The following ZNF480 variants were observed in gnomAD, a reference collection of about 807,000 sequenced individuals.
The protein encoded by ZNF480 is zinc finger protein 480.
A neutral mutation model predicts 14.4 loss-of-function variants in ZNF480; 15 were observed. The ratio of observed to expected loss-of-function variants is 1.04; its 90% CI spans 0.70 to 1.60. ZNF480 has a LOEUF of 1.60. Ranked by LOEUF, ZNF480 falls within the 40% of genes most tolerant of loss-of-function variation. The pLI is 0.00. For synonymous variants in ZNF480, 218 were observed against 215.5 expected (o/e 1.01, Z -0.10); for missense variants, 593 against 629.7 (o/e 0.94, Z 0.62).
At chr19:52,300,164 G>A (rs1982617191) in intron 1 of ZNF480, among the ~76,000 whole-genome samples, 1 of 152,234 alleles carries the variant, frequency 6.6e-6, no homozygotes. Context: ...GCTCCCCACT[G>A]CTGCAGCGTG....
chr19:52,307,000 A>T (rs902613661), intron 2 of ZNF480, among the ~76,000 whole-genome samples: 3 of 152,186 alleles, frequency 2.0e-5, no homozygotes. Flanking sequence ...GCTGGCAAGG[A>T]AACCTTCTCT....
chr19:52,312,149 AT>A (rs10712920), intron 2 of ZNF480, among the ~76,000 whole-genome samples: 76,382 of 140,416 alleles, frequency 0.54, 20,414 homozygotes, highest in Non-Finnish European at 0.61. Context: ...CTCATATATA[AT>A]TTTTTTTTTT....
intron 2 of ZNF480, among the ~76,000 whole-genome samples, chr19:52,303,105 G>A (rs1474157889): frequency 3.3e-5 from 5 of 152,160 alleles, no homozygotes; most frequent in Admixed American, 2.0e-4. Context: ...TACATTGACA[G>A]GCATCTTAAA....
In ZNF480 at chr19:52,323,819, T is replaced by G. The variant is rs1410546733; in HGVS notation, c.*961T>G. ...GGAACATACTTCAATAAGAACCATC[T>G]ATGCTGGACTCACAGCCAAATTAAT... On this transcript the variant is annotated 3_prime_UTR_variant, in exon 5 of 5. Transcript: ENST00000595962. 6.6e-6 allele frequency: 1 copy of G among 152,136 alleles called. No individual in the cohort carries two copies. The highest frequency in any genetic ancestry group is 2.4e-5 in the African/African-American group (1 of 41,446). 9.4% of individuals were successfully genotyped at this position (152,136 alleles called of 1,614,324 possible).
intron 4 of ZNF480, among the ~76,000 whole-genome samples, chr19:52,317,218 A>G (rs1412951597): frequency 3.3e-5 from 5 of 152,082 alleles, no homozygotes; most frequent in Non-Finnish European, 1.5e-5. Flanking sequence ...GGGTTTCACC[A>G]TATTGGCCAG....
chr19:52,314,427 C>A (rs1322861341), intron 3 of ZNF480, 148 bp downstream of exon 3: 3 of 467,932 alleles, frequency 6.4e-6, no homozygotes, highest in Admixed American at 4.8e-5. Context: ...TTTGGTGAGC[C>A]GAGATCACGT....
At position 52,315,731 on chromosome 19, in the gene ZNF480, ATAT is replaced by A; in HGVS notation, c.200-98_200-96del. On this transcript the variant is annotated intron_variant, in intron 3 of 4. Coordinates refer to ENST00000595962, the MANE Select transcript of ZNF480 (RefSeq NM_144684.4). ...GGCAGTCTATGGATGAATTTGTGAAATATTATTCTTGATTCATTTGTGATATCC... is the reference window on the plus strand; with the variant it reads ...GGCAGTCTATGGATGAATTTGTGAAATATTCTTGATTCATTTGTGATATCC... 3 of 1,381,170 alleles carry A rather than the reference ATAT, an allele frequency of 2.2e-6. No individual in the cohort carries two copies. In the South Asian group the frequency reaches 4.5e-5, roughly 21 times the overall value. 85.6% of individuals were successfully genotyped at this position (1,381,170 alleles called of 1,614,324 possible).
Position 52,322,597 on chromosome 19 carries a change from C to T in ZNF480, c.1347C>T (p.His449=). Residue 449 remains histidine, a synonymous_variant, in exon 5 of 5, where the codon CAC becomes CAT. Transcript: ENST00000595962. ...GCCTTTCAGCCCATCTTGTAATCCA[C>T]ACTGGAGAGAAGCCTTACAAATGTA... The part of the protein sequence containing the change: ...YSGLSAHLVI[H]TGEKPYKCSE... The T allele has an allele frequency of 6.2e-7, 1 of 1,613,082 alleles. No homozygotes were observed. The highest frequency in any genetic ancestry group is 8.5e-7 in the Non-Finnish European group (1 of 1,179,770).
In ZNF480 at chr19:52,314,098, G is replaced by C. The variant is rs73934422; in HGVS notation, c.73-55G>C. ...CTTTACAACTCCCTTCTCATTTTGA[G>C]TGAAGATTAATACCCTTTACATATC... On this transcript the variant is annotated intron_variant, in intron 2 of 4. Transcript: ENST00000595962. 5,400 of 1,500,494 alleles carry C rather than the reference G, an allele frequency of 3.6e-3. 188 individuals are homozygous for C. In the African/African-American group the frequency reaches 0.068, roughly 19 times the overall value. The allele number at this position is 1,500,494 out of a possible 1,614,324, so 92.9% of individuals were successfully genotyped here.
At chr19:52,299,026 A>G (rs62110450) in intron 1 of ZNF480, among the ~76,000 whole-genome samples, 9,563 of 152,188 alleles carry the variant, frequency 0.063, 394 homozygotes, top group Middle Eastern at 0.14. Flanking sequence ...TACAGATGAA[A>G]ATGGATATGC....
chr19:52,317,451 A>C (rs1213169469), intron 4 of ZNF480: 3 of 151,306 alleles, frequency 2.0e-5, no homozygotes, highest in Non-Finnish European at 4.4e-5. Flanking sequence ...GCTAACTGCA[A>C]CCTCCACCTC....
At chr19:52,298,391 G>A (rs1017971468) in intron 1 of ZNF480, among the ~76,000 whole-genome samples, 7 of 152,252 alleles carry the variant, frequency 4.6e-5, no homozygotes. Context: ...CCAGCACTTT[G>A]GGAGGCCAAG....
In ZNF480 at chr19:52,322,949, C is replaced by A; in HGVS notation, c.*91C>A. ...TATTCCATACTGCAAAGAAATTTTG[C>A]AAATGTAAAGAATATGACAAGGTCT... On this transcript the variant is annotated 3_prime_UTR_variant, in exon 5 of 5. Transcript: ENST00000595962. 1 of 1,255,566 alleles carries A rather than the reference C, an allele frequency of 8.0e-7. No homozygotes were observed. Among genetic ancestry groups the A allele is most frequent in the Non-Finnish European group, 1.1e-6 (1 of 939,168 alleles). The allele number at this position is 1,255,566 out of a possible 1,614,324, so 77.8% of individuals were successfully genotyped here.
At chr19:52,311,054 G>T (rs1212404995) in intron 2 of ZNF480, among the ~76,000 whole-genome samples, 2 of 148,712 alleles carry the variant, frequency 1.3e-5, no homozygotes, top group African/African-American at 2.5e-5. Context: ...TATTTTCTGT[G>T]ACTTATTTTG....
At chr19:52,314,429 A>C (rs1329256814) in intron 3 of ZNF480, 150 bp downstream of exon 3, 1 of 384,366 alleles carries the variant, frequency 2.6e-6, no homozygotes, top group East Asian at 9.1e-5. Context: ...TGGTGAGCCG[A>C]GATCACGTCA....
At chr19:52,314,487 A>C (rs200139367) in intron 3 of ZNF480, among the ~76,000 whole-genome samples, 3 of 150,978 alleles carry the variant, frequency 2.0e-5, no homozygotes, top group East Asian at 3.9e-4. Flanking sequence ...AAAAAAAAAA[A>C]AAAAAAAAAA....
At chr19:52,311,167 A>T (rs185760091) in intron 2 of ZNF480, among the ~76,000 whole-genome samples, 5 of 151,966 alleles carry the variant, frequency 3.3e-5, no homozygotes, top group Non-Finnish European at 7.4e-5. Flanking sequence ...TACCAAATAG[A>T]TAAATTTTAT....
Position 52,322,401 on chromosome 19 carries a change from C to A in ZNF480, c.1151C>A (p.Ser384Ter), listed in dbSNP as rs1033188693. 14 of 1,613,760 alleles carry A rather than the reference C, an allele frequency of 8.7e-6. No homozygotes were observed. Among genetic ancestry groups the A allele is most frequent in the African/African-American group, 1.3e-5 (1 of 74,864 alleles). The change falls in exon 5 of 5, where the codon TCG becomes TAG. Residue 384 changes from serine to a stop codon, truncating the protein, a stop_gained. Transcript: ENST00000595962. LOFTEE classifies it low-confidence loss of function (END_TRUNC). Reference sequence around the variant, plus strand: ...TGTGGAAAGGTCTTTATTCAAAATTCGCACCTAGCACAACATTGGAGAATT... The same window carrying A: ...TGTGGAAAGGTCTTTATTCAAAATTAGCACCTAGCACAACATTGGAGAATT... ...NECGKVFIQN[S>*]HLAQHWRIHT...
At chr19:52,316,001 G>T in intron 4 of ZNF480, 39 bp downstream of exon 4, 1 of 1,512,314 alleles carries the variant, frequency 6.6e-7, no homozygotes, top group Non-Finnish European at 8.9e-7. Context: ...CCATGCTGTT[G>T]TTTGGGCTTT....
Sources: gnomAD v4.1 joint callset for allele counts (sites outside exome capture counted in the v4.1 genomes callset) on GRCh38, gnomAD v4.1.1 for gene constraint, MANE v1.5 for transcripts, NCBI Gene and HGNC (gene_info 2026-07-23, HGNC 2026-07-21) for gene names.